The following FMN2 variants were observed in gnomAD, a reference collection of about 807,000 sequenced individuals.
FMN2 encodes formin-2.
In FMN2, 51 loss-of-function variants were observed where a neutral mutation model predicts 142.3. That is an observed-to-expected ratio of 0.36 (90% CI 0.29 to 0.45). FMN2 has a LOEUF of 0.45. Ranked by LOEUF, FMN2 falls within the 20% of genes least tolerant of loss-of-function variation. FMN2 has a pLI of 1.00. For missense variants in FMN2, 1,936 were observed against 2,122.8 expected (o/e 0.91, Z 1.73); for synonymous variants, 882 against 869.8 (o/e 1.01, Z -0.25).
Position 240,143,479 on chromosome 1 carries a change from T to C in FMN2, c.1782+20134T>C, listed in dbSNP as rs561020355. On this transcript the variant is annotated intron_variant, in intron 2 of 17. Coordinates refer to ENST00000319653, the MANE Select transcript of FMN2 (RefSeq NM_020066.5). ...AGGGGTTTCCTTTTTGTCCTTGTCC[T>C]TCTTTTCCTTCTTGCCTTTGTCTTC... 156 of 1,543,010 alleles carry C rather than the reference T, an allele frequency of 1.0e-4. 1 individual carries two copies. The South Asian group carries it at 1.6e-3, about 16-fold the overall frequency.
At chr1:240,128,964 C>T (rs1450312212) in intron 2 of FMN2, among the ~76,000 whole-genome samples, 1 of 152,098 alleles carries the variant, frequency 6.6e-6, no homozygotes, top group Admixed American at 6.5e-5. Flanking sequence ...ACCTCCGCCT[C>T]TTGGGTTCAA....
At chr1:240,328,080 G>A (rs562589891) in intron 8 of FMN2, among the ~76,000 whole-genome samples, 3 of 144,846 alleles carry the variant, frequency 2.1e-5, no homozygotes, top group South Asian at 2.2e-4. Flanking sequence ...CCCGGGAGGC[G>A]CAGGTTGTAG....
At chr1:240,428,265 T>A (rs1271411762) in intron 15 of FMN2, among the ~76,000 whole-genome samples, 2 of 152,014 alleles carry the variant, frequency 1.3e-5, no homozygotes, top group Non-Finnish European at 2.9e-5. Context: ...AGTTTCACTC[T>A]GTTGCCCAGG....
At chr1:240,449,128 G>T (rs1265562488) in intron 16 of FMN2, among the ~76,000 whole-genome samples, 1 of 148,482 alleles carries the variant, frequency 6.7e-6, no homozygotes, top group East Asian at 1.9e-4. Flanking sequence ...GGTGAAGAAA[G>T]TGAGACCCTG....
At chr1:240,370,145 G>A (rs1293319627) in intron 14 of FMN2, among the ~76,000 whole-genome samples, 1 of 152,112 alleles carries the variant, frequency 6.6e-6, no homozygotes, top group Non-Finnish European at 1.5e-5. Flanking sequence ...AGGAAGTTCT[G>A]GCTTGCACCT....
chr1:240,467,123 G>A (rs897184815), intron 16 of FMN2, among the ~76,000 whole-genome samples: 6 of 152,056 alleles, frequency 3.9e-5, no homozygotes, highest in African/African-American at 1.4e-4. Context: ...AAACAAAACC[G>A]GCAAAGTACA....
intron 2 of FMN2, among the ~76,000 whole-genome samples, chr1:240,168,326 G>A (rs993543867): frequency 6.6e-6 from 1 of 152,110 alleles, no homozygotes; most frequent in South Asian, 2.1e-4. Flanking sequence ...AGTGGCTCAC[G>A]CCTGGAATAC....
intron 8 of FMN2, among the ~76,000 whole-genome samples, chr1:240,327,099 A>G (rs1027059730): frequency 6.6e-6 from 1 of 152,232 alleles, no homozygotes; most frequent in African/African-American, 2.4e-5. Context: ...CAAAGCCACA[A>G]TTAACTGGAG....
rs74149402 is a variant in FMN2 at position 240,276,561 on chromosome 1, C to T, written c.4154-18261C>T. ...TAATCATGTGAACACTTAGTTGCAC[C>T]AAAGCAAAAGGAAAATGCACAATTC... On this transcript the variant is annotated intron_variant, in intron 7 of 17. Transcript: ENST00000319653. 3.7e-3 allele frequency among the ~76,000 whole-genome samples: 570 copies of T among 152,078 alleles called. 4 individuals are homozygous for T. The highest frequency in any genetic ancestry group is 0.013 in the African/African-American group (537 of 41,482).
chr1:240,329,774 G>A (rs1370675177), intron 10 of FMN2, among the ~76,000 whole-genome samples: 2 of 150,878 alleles, frequency 1.3e-5, no homozygotes, highest in East Asian at 2.0e-4. Context: ...TCAGACATCA[G>A]ACTTCCAAAG....
At chr1:240,280,963 A>G (rs1669377174) in intron 7 of FMN2, among the ~76,000 whole-genome samples, 1 of 152,136 alleles carries the variant, frequency 6.6e-6, no homozygotes, top group African/African-American at 2.4e-5. Flanking sequence ...GCATTTAAAG[A>G]TTTTATTCCA....
chr1:240,241,370 A>G (rs1667891197), intron 6 of FMN2, among the ~76,000 whole-genome samples: 1 of 152,154 alleles, frequency 6.6e-6, no homozygotes, highest in African/African-American at 2.4e-5. Context: ...AAAATATCAA[A>G]AAGCCTAAGA....
intron 14 of FMN2, among the ~76,000 whole-genome samples, chr1:240,359,431 A>G (rs1008691624): frequency 1.3e-5 from 2 of 152,326 alleles, no homozygotes. Flanking sequence ...TCAAGAAGCT[A>G]TGCCCAACAC....
chr1:240,198,888 C>T (rs890118481), intron 4 of FMN2, among the ~76,000 whole-genome samples: 8 of 152,022 alleles, frequency 5.3e-5, no homozygotes, highest in South Asian at 2.1e-4. Flanking sequence ...GGGCGTATCA[C>T]GATGTCAGGA....
chr1:240,443,207 T>C (rs1340357365), intron 16 of FMN2, among the ~76,000 whole-genome samples: 1 of 152,192 alleles, frequency 6.6e-6, no homozygotes, highest in East Asian at 1.9e-4. Flanking sequence ...GGATGAACTT[T>C]TGTTTGAAAA....
chr1:240,190,917 T>TA (rs774304702), intron 4 of FMN2, among the ~76,000 whole-genome samples: 2 of 152,132 alleles, frequency 1.3e-5, no homozygotes, highest in Admixed American at 6.5e-5. Flanking sequence ...TGTTATTATG[T>TA]AAAAAAAATT....
At chr1:240,265,970 C>T (rs1195985255) in intron 7 of FMN2, among the ~76,000 whole-genome samples, 10 of 118,908 alleles carry the variant, frequency 8.4e-5, no homozygotes, top group Admixed American at 3.7e-4. Flanking sequence ...TGTGATAAGT[C>T]TTTGTCCATG....
In FMN2 at chr1:240,208,601, T is replaced by G. The variant is rs1289569419; in HGVS notation, c.3789T>G (p.Leu1263=). The G allele has an allele frequency of 1.2e-6, 2 of 1,613,868 alleles. No individual in the cohort carries two copies. Among genetic ancestry groups the G allele is most frequent in the Non-Finnish European group, 1.7e-6 (2 of 1,180,008 alleles). The change falls in exon 5 of 18, where the codon CTT becomes CTG. Residue 1263 remains leucine (L), a synonymous_variant. Coordinates refer to ENST00000319653, the MANE Select transcript of FMN2 (RefSeq NM_020066.5). ...TLPTPQVCGF[L]PPPLPSGLFG... ...CAACCCCACAGGTGTGTGGATTTCT[T>G]CCTCCTCCATTGCCAAGTGGCTTGT...
At chr1:240,390,877 G>T (rs1044815876) in intron 14 of FMN2, among the ~76,000 whole-genome samples, 6 of 152,182 alleles carry the variant, frequency 3.9e-5, no homozygotes, top group Non-Finnish European at 5.9e-5. Context: ...CTTCTAATCT[G>T]CCTGAATCTC....
Sources: gnomAD v4.1 joint callset for allele counts (sites outside exome capture counted in the v4.1 genomes callset) on GRCh38, gnomAD v4.1.1 for gene constraint, MANE v1.5 for transcripts, NCBI Gene and HGNC (gene_info 2026-07-23, HGNC 2026-07-21) for gene names.